The following SHTN1 variants were observed in gnomAD, a reference collection of about 807,000 sequenced individuals.
SHTN1 encodes the protein shootin 1.
A neutral mutation model predicts 83.1 loss-of-function variants in SHTN1; 42 were observed. The ratio of observed to expected loss-of-function variants is 0.51; its 90% CI spans 0.39 to 0.65. The LOEUF (loss-of-function observed/expected upper bound fraction) is 0.65. SHTN1 is among the 30% of genes least tolerant of loss of function. The pLI is 0.00. For missense variants in SHTN1, 622 were observed against 737.8 expected, an observed-to-expected ratio of 0.84 and a Z score of 1.82; for synonymous variants, 224 against 247.7, an observed-to-expected ratio of 0.90 and a Z score of 0.90.
intron 9 of SHTN1, among the ~76,000 whole-genome samples, chr10:116,933,490 C>A (rs1469629585): frequency 1.3e-5 from 2 of 152,164 alleles, no homozygotes; most frequent in African/African-American, 2.4e-5. Context: ...CTGCAAAGGA[C>A]ACGAACGCAT....
Position 116,954,511 on chromosome 10 carries a change from AAT to A in SHTN1, c.268-303_268-302del, listed in dbSNP as rs371633439. Among the ~76,000 whole-genome samples, 9 of 152,340 alleles carry A rather than the reference AAT, an allele frequency of 5.9e-5. No individual in the cohort carries two copies. The East Asian group carries it at 1.7e-3, about 29-fold the overall frequency. On this transcript the variant is annotated intron_variant, in intron 4 of 16. Coordinates refer to ENST00000355371, the MANE Select transcript of SHTN1 (RefSeq NM_001127211.3). Reference sequence around the variant, plus strand: ...AATAAAATTCTGATTTATAGTCATTAATAGTCTTAAAAAAGGCACTTTATTTC... The same window carrying A: ...AATAAAATTCTGATTTATAGTCATTAAGTCTTAAAAAAGGCACTTTATTTC...
At chr10:117,036,358 G>A (rs768319762) in intron 2 of SHTN1, among the ~76,000 whole-genome samples, 1 of 152,092 alleles carries the variant, frequency 6.6e-6, no homozygotes, top group Admixed American at 6.6e-5. Context: ...AGCACTGTTT[G>A]CAATAGCCAA....
At chr10:116,887,269 C>T (rs939390246) in intron 16 of SHTN1, among the ~76,000 whole-genome samples, 2 of 152,202 alleles carry the variant, frequency 1.3e-5, no homozygotes, top group African/African-American at 4.8e-5. Flanking sequence ...CTCGTCTCTT[C>T]TGCTGCAAGA....
intron 16 of SHTN1, chr10:116,901,501 T>A: frequency 1.0e-6 from 1 of 985,220 alleles, no homozygotes; most frequent in Non-Finnish European, 1.2e-6. Context: ...ATCATCCAGA[T>A]CAATTATTTG....
intron 1 of SHTN1, among the ~76,000 whole-genome samples, chr10:117,088,314 T>A (rs1853379982): frequency 6.6e-6 from 1 of 152,248 alleles, no homozygotes; most frequent in South Asian, 2.1e-4. Flanking sequence ...TCACATTTAG[T>A]ACCTTTTATT....
intron 1 of SHTN1, among the ~76,000 whole-genome samples, chr10:117,086,361 T>A (rs552019434): frequency 6.6e-6 from 1 of 152,246 alleles, no homozygotes; most frequent in Non-Finnish European, 1.5e-5. Context: ...AGATAACACA[T>A]AGTTGGGGTC....
chr10:116,894,796 A>G lies in SHTN1; in HGVS notation c.1673+6969T>C, dbSNP rs183808797. 3.3e-5 allele frequency among the ~76,000 whole-genome samples: 5 copies of G among 152,346 alleles called. No individual in the cohort carries two copies. In the East Asian group the frequency reaches 9.6e-4, roughly 29 times the overall value. ...TGAAAAAGTGTGAATATGGATGAAA[A>G]AGCTCAATTCAGACAAGCAGCGCCA... On this transcript the variant is annotated intron_variant, in intron 16 of 16. Coordinates refer to ENST00000355371, the MANE Select transcript of SHTN1 (RefSeq NM_001127211.3).
At chr10:117,044,537 C>T (rs941798890) in intron 2 of SHTN1, among the ~76,000 whole-genome samples, 1 of 152,090 alleles carries the variant, frequency 6.6e-6, no homozygotes, top group Non-Finnish European at 1.5e-5. Flanking sequence ...CTGTGAAACA[C>T]CCATTCTTGA....
At chr10:117,043,057 A>G (rs1852609126) in intron 2 of SHTN1, among the ~76,000 whole-genome samples, 1 of 152,082 alleles carries the variant, frequency 6.6e-6, no homozygotes, top group Non-Finnish European at 1.5e-5. Flanking sequence ...TTATTTTTCT[A>G]TATTTTTTCA....
intron 1 of SHTN1, among the ~76,000 whole-genome samples, chr10:116,993,877 C>T (rs1220761418): frequency 6.6e-6 from 1 of 151,984 alleles, no homozygotes; most frequent in Non-Finnish European, 1.5e-5. Context: ...AGATCATTTT[C>T]AAGTAAGATA....
intron 1 of SHTN1, among the ~76,000 whole-genome samples, chr10:117,079,669 C>CA (rs1195550317): frequency 1.0e-4 from 3 of 29,544 alleles, no homozygotes; most frequent in Admixed American, 1.0e-3. Context: ...TAAAAGTGTT[C>CA]CTATTTCTCC....
At chr10:117,095,426 CA>C (rs1168958372) in intron 1 of SHTN1, among the ~76,000 whole-genome samples, 1 of 152,086 alleles carries the variant, frequency 6.6e-6, no homozygotes, top group Non-Finnish European at 1.5e-5. Flanking sequence ...AACTAAAACC[CA>C]GGGGGGAAAC....
intron 4 of SHTN1, among the ~76,000 whole-genome samples, chr10:116,959,309 G>T (rs1850095469): frequency 6.6e-6 from 1 of 152,128 alleles, no homozygotes; most frequent in African/African-American, 2.4e-5. Context: ...ATGTAGTGTT[G>T]TTATGCAAAC....
At chr10:116,986,028 A>G (rs901490842) in intron 1 of SHTN1, among the ~76,000 whole-genome samples, 2 of 152,238 alleles carry the variant, frequency 1.3e-5, no homozygotes, top group Non-Finnish European at 2.9e-5. Flanking sequence ...TTTATTCATT[A>G]CATGGTAAAA....
intron 2 of SHTN1, among the ~76,000 whole-genome samples, chr10:117,016,939 A>G (rs1338034400): frequency 6.6e-6 from 1 of 152,176 alleles, no homozygotes; most frequent in East Asian, 1.9e-4. Flanking sequence ...AGGCCTAGAA[A>G]CAGTGATAAA....
intron 2 of SHTN1, among the ~76,000 whole-genome samples, chr10:117,017,476 G>A (rs574385321): frequency 1.4e-4 from 18 of 131,316 alleles, no homozygotes; most frequent in Non-Finnish European, 2.5e-4. Context: ...GGGCGACAGA[G>A]CGAGACTCCG....
At chr10:117,017,652 T>C (rs1852199680) in intron 2 of SHTN1, among the ~76,000 whole-genome samples, 1 of 152,216 alleles carries the variant, frequency 6.6e-6, no homozygotes, top group South Asian at 2.1e-4. Flanking sequence ...AACTAATGTA[T>C]GTAAATATAC....
chr10:116,974,942 A>G (rs1052765090), intron 2 of SHTN1, among the ~76,000 whole-genome samples: 1 of 152,194 alleles, frequency 6.6e-6, no homozygotes, highest in Non-Finnish European at 1.5e-5. Flanking sequence ...ATTGCTACAC[A>G]AGCAAAGTAA....
chr10:117,038,648 C>A (rs2133578705), intron 2 of SHTN1, among the ~76,000 whole-genome samples: 1 of 152,198 alleles, frequency 6.6e-6, no homozygotes, highest in South Asian at 2.1e-4. Flanking sequence ...AATAAGAAAA[C>A]AAACAACTCA....
Sources: allele counts gnomAD v4.1 joint callset (sites outside exome capture counted in the v4.1 genomes callset), GRCh38; gene constraint gnomAD v4.1.1; transcripts MANE v1.5; gene names NCBI Gene and HGNC (gene_info 2026-07-23, HGNC 2026-07-21).